The following MYO18B variants were observed in gnomAD, a reference collection of about 807,000 sequenced individuals.
The protein encoded by MYO18B is unconventional myosin-XVIIIb.
In MYO18B, 204 loss-of-function variants were observed where a neutral mutation model predicts 273.0. That is an observed-to-expected ratio of 0.75 (90% confidence interval 0.67 to 0.84). MYO18B has a LOEUF of 0.84. Among genes scored for constraint, MYO18B ranks in the 40% least tolerant of loss-of-function variants. The pLI, the probability that MYO18B is intolerant of heterozygous loss-of-function variation, is 0.00. For synonymous variants in MYO18B, 1,330 were observed against 1,305.7 expected (o/e 1.02, Z -0.40); for missense variants, 3,212 against 3,287.6 (o/e 0.98, Z 0.56).
intron 39 of MYO18B, among the ~76,000 whole-genome samples, chr22:25,963,179 C>T (rs2092937753): frequency 7.9e-6 from 1 of 126,420 alleles, no homozygotes; most frequent in Non-Finnish European, 1.7e-5. Flanking sequence ...CTCTCTCTCT[C>T]ACACACACAC....
At chr22:25,870,651 A>T (rs1184685742) in intron 22 of MYO18B, among the ~76,000 whole-genome samples, 1 of 152,188 alleles carries the variant, frequency 6.6e-6, no homozygotes, top group Admixed American at 6.5e-5. Flanking sequence ...CAGGAACTTC[A>T]TCCTTCTAGA....
intron 34 of MYO18B, among the ~76,000 whole-genome samples, chr22:25,929,114 A>G (rs2092461766): frequency 6.6e-6 from 1 of 150,450 alleles, no homozygotes; most frequent in Admixed American, 6.6e-5. Context: ...GTGAGCCAAG[A>G]TCACACCATT....
intron 17 of MYO18B, among the ~76,000 whole-genome samples, chr22:25,840,500 C>T (rs2090051956): frequency 1.3e-5 from 2 of 152,258 alleles, no homozygotes; most frequent in Admixed American, 6.5e-5. Flanking sequence ...CACACTTGCT[C>T]ATCAGTCATT....
intron 15 of MYO18B, among the ~76,000 whole-genome samples, chr22:25,832,257 T>C (rs1219360358): frequency 6.6e-6 from 1 of 152,138 alleles, no homozygotes; most frequent in African/African-American, 2.4e-5. Context: ...TGTCTGGGTA[T>C]GTACTGAAAA....
At chr22:25,796,957 G>C (rs2087941577) in intron 11 of MYO18B, among the ~76,000 whole-genome samples, 1 of 152,216 alleles carries the variant, frequency 6.6e-6, no homozygotes, top group Non-Finnish European at 1.5e-5. Context: ...AGACGGCGTG[G>C]TGGCTCACGC....
intron 20 of MYO18B, among the ~76,000 whole-genome samples, chr22:25,847,974 C>T (rs1288702706): frequency 7.0e-6 from 1 of 142,698 alleles, no homozygotes; most frequent in East Asian, 2.2e-4. Flanking sequence ...CACACACACA[C>T]AAAATGGGAT....
intron 1 of MYO18B, among the ~76,000 whole-genome samples, chr22:25,746,197 G>C (rs1473006826): frequency 1.3e-5 from 2 of 152,186 alleles, no homozygotes; most frequent in Non-Finnish European, 2.9e-5. Context: ...GGCAGGTAGT[G>C]ATATAGTCCC....
intron 10 of MYO18B, among the ~76,000 whole-genome samples, chr22:25,784,571 A>G (rs4822653): frequency 0.92 from 139,948 of 152,268 alleles, 64,657 homozygotes; most frequent in Non-Finnish European, 0.97. Flanking sequence ...GGGAGAGGAC[A>G]CTGAAGGCCT....
intron 39 of MYO18B, among the ~76,000 whole-genome samples, chr22:25,988,144 C>T (rs918034998): frequency 2.0e-5 from 3 of 151,878 alleles, no homozygotes; most frequent in South Asian, 2.1e-4. Context: ...TGGCTCACTT[C>T]CCCTTCTGCT....
chr22:25,753,164 A>T (rs577717476), intron 1 of MYO18B, among the ~76,000 whole-genome samples: 49 of 150,888 alleles, frequency 3.2e-4, no homozygotes, highest in Non-Finnish European at 6.3e-4. Context: ...TCAGTGCGGG[A>T]AGCTCAGCCC....
Position 25,992,368 on chromosome 22 carries a change from G to T in MYO18B, c.6162G>T (p.Lys2054Asn), listed in dbSNP as rs1034476143. The T allele has an allele frequency of 5.6e-6, 9 of 1,613,964 alleles. 2 individuals carry two copies. ...TTTGCATCTTCTGTCCCCAGGAGAA[G>T]TACGTGGAGGAACTTGCAGCAGTGA... ...EASRRCMELEKYVEELAAVRQ... is the reference protein window; with the variant it reads ...EASRRCMELENYVEELAAVRQ... Residue 2054 changes from lysine (K) to asparagine (N), a missense_variant, in exon 40 of 44, where the codon AAG becomes AAT. Transcript: ENST00000335473.
In MYO18B at chr22:25,877,976, A is replaced by G; in HGVS notation, c.4242A>G (p.Leu1414=). 1 of 1,578,028 alleles carries G rather than the reference A, an allele frequency of 6.3e-7. No homozygotes were observed. Among genetic ancestry groups the G allele is most frequent in the Non-Finnish European group, 8.6e-7 (1 of 1,161,422 alleles). ...LRAKEEELTT[L]RRKLEKSEKL... ...TTTTGTAGGAGGAGCTTACAACGCTAAGACGGAAGCTAGAAAAATCAGAGA... is the reference window on the plus strand; with the variant it reads ...TTTTGTAGGAGGAGCTTACAACGCTGAGACGGAAGCTAGAAAAATCAGAGA... The change falls in exon 25 of 44, where the codon CTA becomes CTG. Residue 1414 remains leucine, a synonymous_variant. Transcript: ENST00000335473.
At chr22:26,047,219 C>T in the MYO18B span, among the ~76,000 whole-genome samples, 5 of 151,660 alleles carry the variant, frequency 3.3e-5, no homozygotes, top group African/African-American at 4.8e-5. Context: ...CTCTGCCTCC[C>T]GGGTTCACGC....
At chr22:25,778,041 G>T (rs938352969) in intron 8 of MYO18B, among the ~76,000 whole-genome samples, 2 of 152,162 alleles carry the variant, frequency 1.3e-5, no homozygotes, top group African/African-American at 4.8e-5. Context: ...GTTAGAACCG[G>T]ATACTTGACT....
At position 25,843,810 on chromosome 22, in the gene MYO18B, G is replaced by A. The variant is rs767358409; in HGVS notation, c.3284G>A (p.Arg1095Gln). Residue 1095 changes from arginine to glutamine, a missense_variant, in exon 18 of 44, where the codon CGG becomes CAG. Transcript: ENST00000335473. Reference protein sequence around the residue: ...IFHQLGWDPVRYDLTGWLHRA... With the variant: ...IFHQLGWDPVQYDLTGWLHRA... ...CACCAGTTGGGATGGGACCCTGTGCGGTACGACCTCACGGGCTGGCTCCAC... is the reference window on the plus strand; with the variant it reads ...CACCAGTTGGGATGGGACCCTGTGCAGTACGACCTCACGGGCTGGCTCCAC... 51 of 1,613,754 alleles carry A rather than the reference G, an allele frequency of 3.2e-5. No individual in the cohort carries two copies. The highest frequency in any genetic ancestry group is 1.6e-4 in the Middle Eastern group (1 of 6,082).
rs770386177 is a variant in MYO18B, at chr22:25,891,379, T to C, written c.4510T>C (p.Leu1504=). ...GGAAGAAGCCCAGCAGAAAATTCAG[T>C]TGAATGACTTGGAAAGGAATCCCAC... The part of the protein sequence containing the change: ...QLEEAQQKIQ[L]NDLERNPTGG... The change falls in exon 27 of 44, where the codon TTG becomes CTG. Residue 1504 remains leucine (L), a synonymous_variant. Transcript: ENST00000335473. The C allele has an allele frequency of 1.0e-5, 16 of 1,584,718 alleles. No homozygotes were observed. In the Middle Eastern group the frequency reaches 5.0e-4, roughly 49 times the overall value.
At chr22:25,926,358 C>G (rs576771441) in intron 34 of MYO18B, among the ~76,000 whole-genome samples, 1 of 151,740 alleles carries the variant, frequency 6.6e-6, no homozygotes, top group Non-Finnish European at 1.5e-5. Flanking sequence ...ATCTCTGGCT[C>G]ACTGCAAACT....
chr22:25,846,032 A>G lies in MYO18B; in HGVS notation c.3369-68A>G, dbSNP rs2090231170. ...AGCAAGAAGGCTTGTTCCCTTTGCCACCACCCAGGCCAAGGCTTTCCCAAG... is the reference window on the plus strand; with the variant it reads ...AGCAAGAAGGCTTGTTCCCTTTGCCGCCACCCAGGCCAAGGCTTTCCCAAG... On this transcript the variant is annotated intron_variant, in intron 18 of 43. Transcript: ENST00000335473. The G allele has an allele frequency of 4.4e-6, 6 of 1,375,774 alleles. No homozygotes were observed. The South Asian group carries it at 4.9e-5, about 11-fold the overall frequency. The allele number at this position is 1,375,774 out of a possible 1,614,324, so 85.2% of individuals were successfully genotyped here.
At chr22:25,769,489 G>C in intron 4 of MYO18B, 61 bp downstream of exon 4, 1 of 1,362,260 alleles carries the variant, frequency 7.3e-7, no homozygotes, top group Non-Finnish European at 9.8e-7. Flanking sequence ...GAGATGCAGG[G>C]ATGGGAAAGA....
Sources: allele counts gnomAD v4.1 joint callset (sites outside exome capture counted in the v4.1 genomes callset), GRCh38; gene constraint gnomAD v4.1.1; transcripts MANE v1.5; gene names NCBI Gene and HGNC (gene_info 2026-07-23, HGNC 2026-07-21).